Variants in ALKBH1 observed in about 807,000 individuals in gnomAD.
The protein encoded by ALKBH1 is alkB homolog 1, histone H2A dioxygenase.
Under a neutral mutation model 36.6 loss-of-function variants are expected in ALKBH1, and 31 were observed. The ratio of observed to expected loss-of-function variants is 0.85; its 90% CI spans 0.64 to 1.14. ALKBH1 has a LOEUF of 1.14. Among genes scored for constraint, ALKBH1 ranks in the 50% most tolerant of loss-of-function variants. The pLI, the probability that ALKBH1 is intolerant of heterozygous loss-of-function variation, is 0.00. For missense variants in ALKBH1, 490 were observed against 497.3 expected, an observed-to-expected ratio of 0.99 and a Z score of 0.14; for synonymous variants, 183 against 186.6, an observed-to-expected ratio of 0.98 and a Z score of 0.16.
At chr14:77,695,007 A>AT (rs1166827426) in intron 2 of ALKBH1, 107 bp from the exon 3 acceptor site, 3 of 998,330 alleles carry the variant, frequency 3.0e-6, no homozygotes, top group East Asian at 3.1e-5. Context: ...TACTCCCCAT[A>AT]TTTTTTTGGT....
intron 3 of ALKBH1, among the ~76,000 whole-genome samples, chr14:77,689,188 A>G (rs1288845524): frequency 6.6e-6 from 1 of 152,072 alleles, no homozygotes; most frequent in Non-Finnish European, 1.5e-5. Flanking sequence ...GATTTTTCCA[A>G]TTTGTTTTTT....
Position 77,680,679 on chromosome 14 carries a change from T to TCTC in ALKBH1, c.456-710_456-709insGAG, listed in dbSNP as rs1566812245. 1.9e-4 allele frequency among the ~76,000 whole-genome samples: 18 copies of TCTC among 93,572 alleles called. No individual in the cohort carries two copies. The East Asian group carries it at 3.8e-3, about 20-fold the overall frequency. 61.4% of individuals were successfully genotyped at this position (93,572 alleles called of 152,430 possible). On this transcript the variant is annotated intron_variant, in intron 3 of 5. Coordinates refer to ENST00000216489, the MANE Select transcript of ALKBH1 (RefSeq NM_006020.3). ...TCAAATCTATGTGATTAACTACTCT[T>TCTC]TTTTTTTTTTTTTTTTTGAGACAGA...
At chr14:77,694,994 A>G (rs964743138) in intron 2 of ALKBH1, 94 bp from the exon 3 acceptor site, 1 of 1,093,206 alleles carries the variant, frequency 9.1e-7, no homozygotes, top group African/African-American at 1.6e-5. Flanking sequence ...CTATTTTGTT[A>G]TTTACTCCCC....
At chr14:77,687,579 T>C (rs1028684926) in intron 3 of ALKBH1, among the ~76,000 whole-genome samples, 2 of 152,192 alleles carry the variant, frequency 1.3e-5, no homozygotes, top group African/African-American at 2.4e-5. Context: ...CACCATAATC[T>C]GACTTTTGTT....
At chr14:77,704,590 T>A in intron 1 of ALKBH1, 113 bp from the exon 2 acceptor site, 1 of 798,388 alleles carries the variant, frequency 1.3e-6, no homozygotes, top group Non-Finnish European at 2.1e-6. Context: ...GATTCTTGTT[T>A]AAGATACAGA....
In ALKBH1 at chr14:77,693,224, A is replaced by AAAAT. The variant is rs369220185; in HGVS notation, c.455+1513_455+1514insATTT. Among the ~76,000 whole-genome samples, 831 of 126,378 alleles carry AAAAT rather than the reference A, an allele frequency of 6.6e-3. 10 individuals are homozygous for AAAAT. Among genetic ancestry groups the AAAAT allele is most frequent in the African/African-American group, 0.023 (768 of 32,690 alleles). 82.9% of individuals were successfully genotyped at this position (126,378 alleles called of 152,430 possible). A position where few individuals can be genotyped will look rare whatever the true frequency, so the allele number is the denominator to read the frequency against. On this transcript the variant is annotated intron_variant, in intron 3 of 5. Coordinates refer to ENST00000216489, the MANE Select transcript of ALKBH1 (RefSeq NM_006020.3). Reference sequence around the variant, plus strand: ...TCCGTCTCAAAAAAAAAAAAAAAAAATTTTTTTTCATAGAGATGGGGTCTT... The same window carrying AAAAT: ...TCCGTCTCAAAAAAAAAAAAAAAAAAAAATTTTTTTTTCATAGAGATGGGGTCTT...
intron 3 of ALKBH1, among the ~76,000 whole-genome samples, chr14:77,684,661 C>A (rs908373158): frequency 2.0e-5 from 3 of 152,208 alleles, no homozygotes; most frequent in Non-Finnish European, 4.4e-5. Flanking sequence ...ATCCTCCCCA[C>A]CTCAGCCTCT....
chr14:77,675,926 C>G, intron 4 of ALKBH1, 77 bp from the exon 5 acceptor site: 1 of 1,164,360 alleles, frequency 8.6e-7, no homozygotes, highest in Non-Finnish European at 1.2e-6. Flanking sequence ...TTAATTACCA[C>G]TTTAAAATAA....
intron 4 of ALKBH1, among the ~76,000 whole-genome samples, chr14:77,678,108 A>AAGC (rs1391173252): frequency 6.6e-6 from 1 of 151,584 alleles, no homozygotes; most frequent in Admixed American, 6.6e-5. Context: ...AAAAAAAAAA[A>AAGC]AGCTAACATT....
At chr14:77,705,189 C>G (rs755317625) in intron 1 of ALKBH1, among the ~76,000 whole-genome samples, 1 of 152,004 alleles carries the variant, frequency 6.6e-6, no homozygotes, top group South Asian at 2.1e-4. Flanking sequence ...CTGAGGCAGG[C>G]GGATCACGAG....
intron 3 of ALKBH1, among the ~76,000 whole-genome samples, chr14:77,684,447 C>T (rs186923827): frequency 6.8e-4 from 103 of 152,154 alleles, no homozygotes; most frequent in Non-Finnish European, 1.3e-3. Flanking sequence ...CTGCAACCTC[C>T]GCCTCCCAGG....
chr14:77,697,697 T>TAAAAAAAAAAAAAAAAAAAAAAAAAA (rs57516221), intron 2 of ALKBH1, among the ~76,000 whole-genome samples: 1 of 104,940 alleles, frequency 9.5e-6, no homozygotes. Context: ...TTTGCTGTAA[T>TAAAAAAAAAAAAAAAAAAAAAAAAAA]AAAAAAAAAA....
At chr14:77,692,824 T>A (rs1299879470) in intron 3 of ALKBH1, among the ~76,000 whole-genome samples, 2 of 151,848 alleles carry the variant, frequency 1.3e-5, no homozygotes, top group Non-Finnish European at 2.9e-5. Flanking sequence ...ATTTATTTAA[T>A]TTATTTATTT....
chr14:77,675,045 T>C (rs1442152003), intron 5 of ALKBH1, among the ~76,000 whole-genome samples: 1 of 152,232 alleles, frequency 6.6e-6, no homozygotes, highest in Non-Finnish European at 1.5e-5. Context: ...CTTTGCTCTA[T>C]AGTTTGCTCT....
At chr14:77,697,027 TG>T in intron 2 of ALKBH1, 1 of 172,516 alleles carries the variant, frequency 5.8e-6, no homozygotes, top group Middle Eastern at 1.0e-3. Flanking sequence ...GCTGTGGGGC[TG>T]GTGGCCCAAA....
At chr14:77,699,089 G>A (rs2080344701) in intron 2 of ALKBH1, among the ~76,000 whole-genome samples, 1 of 152,138 alleles carries the variant, frequency 6.6e-6, no homozygotes, top group African/African-American at 2.4e-5. Context: ...GGTCTCTTTA[G>A]CACTCAATTC....
At chr14:77,689,825 G>A (rs1240811076) in intron 3 of ALKBH1, among the ~76,000 whole-genome samples, 7 of 151,558 alleles carry the variant, frequency 4.6e-5, no homozygotes. Flanking sequence ...GTTGTTATTT[G>A]GCAACTATGT....
chr14:77,695,701 AG>A (rs57123556), intron 2 of ALKBH1, among the ~76,000 whole-genome samples: 53,700 of 152,058 alleles, frequency 0.35, 9,704 homozygotes, highest in Non-Finnish European at 0.4. Context: ...TCCTGCAGTT[AG>A]TGTCTCTGTA....
intron 3 of ALKBH1, among the ~76,000 whole-genome samples, chr14:77,680,306 G>A (rs2080229738): frequency 6.6e-6 from 1 of 152,134 alleles, no homozygotes; most frequent in Non-Finnish European, 1.5e-5. Flanking sequence ...GGTACCAAGA[G>A]CACTATGGGC....
Sources: gnomAD v4.1 joint callset for allele counts (sites outside exome capture counted in the v4.1 genomes callset) on GRCh38, gnomAD v4.1.1 for gene constraint, MANE v1.5 for transcripts, NCBI Gene and HGNC (gene_info 2026-07-23, HGNC 2026-07-21) for gene names.